Variants in IRS1 observed in about 807,000 individuals in gnomAD.
IRS1 encodes insulin receptor substrate 1.
A neutral mutation model predicts 65.6 loss-of-function variants in IRS1; 34 were observed. The ratio of observed to expected loss-of-function variants is 0.52; its 90% CI spans 0.39 to 0.69. IRS1 has a LOEUF of 0.69. Among genes scored for constraint, IRS1 ranks in the 30% least tolerant of loss-of-function variants. IRS1 has a pLI of 0.00. For synonymous variants in IRS1, 699 were observed against 683.5 expected (o/e 1.02, Z -0.35); for missense variants, 1,641 against 1,720.2 (o/e 0.95, Z 0.81).
chr2:226,792,777 G>A (rs139885030), intron 1 of IRS1, among the ~76,000 whole-genome samples: 87 of 152,174 alleles, frequency 5.7e-4, no homozygotes, highest in African/African-American at 2.0e-3. Context: ...ACACACATTC[G>A]GAGCAGAAGC....
Position 226,797,608 on chromosome 2 carries a change from C to T in IRS1, c.1131G>A (p.Met377Ile). 6.3e-7 allele frequency: 1 copy of T among 1,588,148 alleles called. No homozygotes were observed. The highest frequency in any genetic ancestry group is 8.5e-7 in the Non-Finnish European group (1 of 1,171,152). ...PPLNHSRSIP[M>I]PASRCSPSAT... ...CCGAAGGCGAGCAGCGGGAAGCCGGCATGGGGATGGAGCGGCTGTGGTTGA... is the reference window on the plus strand; with the variant it reads ...CCGAAGGCGAGCAGCGGGAAGCCGGTATGGGGATGGAGCGGCTGTGGTTGA... Residue 377 changes from methionine (M) to isoleucine (I), a missense_variant, in exon 1 of 2, where the codon ATG (methionine) becomes ATA (isoleucine). Around this residue, in one of 3 missense-constraint regions of IRS1, gnomAD observed 1,324 missense variants for 1,361.0 expected, o/e 0.97. Transcript: ENST00000305123. This position sits in a 1 kb window ranked among gnomAD's most constrained non-coding sequence, Gnocchi z 8.1.
At position 226,796,499 on chromosome 2, in the gene IRS1, G is replaced by C. The variant is rs1405437670; in HGVS notation, c.2240C>G (p.Ser747Cys). 13 of 1,613,846 alleles carry C rather than the reference G, an allele frequency of 8.1e-6. No homozygotes were observed. The African/African-American group carries it at 1.7e-4, about 22-fold the overall frequency. The change falls in exon 1 of 2, where the codon TCC becomes TGC. Residue 747 changes from serine to cysteine, a missense_variant. Around this residue, in one of 3 missense-constraint regions of IRS1, gnomAD observed 1,324 missense variants for 1,361.0 expected, o/e 0.97. Coordinates refer to ENST00000305123, the MANE Select transcript of IRS1 (RefSeq NM_005544.3). ...GTCCTCAGGGCCGTAGTAGCAGTCGGAGGGGCTGCTGGTGTTGGAGTCCCC... is the reference window on the plus strand; with the variant it reads ...GTCCTCAGGGCCGTAGTAGCAGTCGCAGGGGCTGCTGGTGTTGGAGTCCCC... ...PVGDSNTSSP[S>C]DCYYGPEDPQ...
intron 1 of IRS1, among the ~76,000 whole-genome samples, chr2:226,783,945 G>A (rs1244022762): frequency 1.3e-5 from 2 of 151,958 alleles, no homozygotes; most frequent in Non-Finnish European, 1.5e-5. Flanking sequence ...CTGGGGACAC[G>A]TGGACCAGTC....
intron 1 of IRS1, among the ~76,000 whole-genome samples, chr2:226,751,409 G>A (rs892606174): frequency 4.7e-5 from 7 of 148,248 alleles, no homozygotes; most frequent in East Asian, 2.0e-4. Flanking sequence ...TCAGCCTCCC[G>A]AGTAGCTGGG....
Position 226,799,535 on chromosome 2 carries a change from G to A in IRS1, c.-797C>T. The A allele has an allele frequency of 9.3e-7, 1 of 1,074,432 alleles. No individual in the cohort carries two copies. Among genetic ancestry groups the A allele is most frequent in the Non-Finnish European group, 1.1e-6 (1 of 872,684 alleles). 66.6% of individuals were successfully genotyped at this position (1,074,432 alleles called of 1,614,324 possible). Reference sequence around the variant, plus strand: ...AGGGACAGACTCATCCCTGCCCCTCGCTCCAGGCGGCTGGGGAGGAGGGGA... The same window carrying A: ...AGGGACAGACTCATCCCTGCCCCTCACTCCAGGCGGCTGGGGAGGAGGGGA... On this transcript the variant is annotated 5_prime_UTR_variant, in exon 1 of 2. Transcript: ENST00000305123. The surrounding 1 kb of genome is among the most constrained non-coding windows in gnomAD (Gnocchi z 6.1).
chr2:226,770,957 TG>T (rs1169608546), intron 1 of IRS1, among the ~76,000 whole-genome samples: 1 of 152,110 alleles, frequency 6.6e-6, no homozygotes, highest in Non-Finnish European at 1.5e-5. Context: ...CACAAGAGTT[TG>T]GGGTAAGCTA....
chr2:226,732,837 C>T lies in IRS1; in HGVS notation c.*3435G>A, dbSNP rs1938256017. On this transcript the variant is annotated 3_prime_UTR_variant, in exon 2 of 2. Coordinates refer to ENST00000305123, the MANE Select transcript of IRS1 (RefSeq NM_005544.3). The stretch of plus-strand genomic sequence containing the variant: ...AGAAGAAATTTCATATTGGCTTCCA[C>T]CCATTCTTCTTCCCATTCCTACCAA... The T allele has an allele frequency of 6.6e-6, 1 of 152,124 alleles. No individual in the cohort carries two copies. The highest frequency in any genetic ancestry group is 2.1e-4 in the South Asian group (1 of 4,830). The allele number at this position is 152,124 out of a possible 1,614,324, so 9.4% of individuals were successfully genotyped here. A position where few individuals can be genotyped will look rare whatever the true frequency, so the allele number is the denominator to read the frequency against.
At chr2:226,759,722 C>T (rs1241128950) in intron 1 of IRS1, among the ~76,000 whole-genome samples, 1 of 152,088 alleles carries the variant, frequency 6.6e-6, no homozygotes, top group East Asian at 1.9e-4. Context: ...TTTGATATAA[C>T]TTAAAACTAC....
intron 1 of IRS1, among the ~76,000 whole-genome samples, chr2:226,745,753 C>A (rs1015842211): frequency 5.3e-5 from 8 of 152,212 alleles, no homozygotes; most frequent in African/African-American, 1.9e-4. Flanking sequence ...GATCCCACAT[C>A]TTTTCCTGAT....
At position 226,797,876 on chromosome 2, in the gene IRS1, T is replaced by A; in HGVS notation, c.863A>T (p.His288Leu). 1 of 1,608,456 alleles carries A rather than the reference T, an allele frequency of 6.2e-7. No homozygotes were observed. The highest frequency in any genetic ancestry group is 1.3e-5 in the African/African-American group (1 of 74,946). ...CTGGCTGGGCGGGGGATTGTTGAGATGGTGCCGGCGCAGGGGGACGCTGAT... is the reference window on the plus strand; with the variant it reads ...CTGGCTGGGCGGGGGATTGTTGAGAAGGTGCCGGCGCAGGGGGACGCTGAT... Reference protein sequence around the residue: ...NPISVPLRRHHLNNPPPSQVG... With the variant: ...NPISVPLRRHLLNNPPPSQVG... The change falls in exon 1 of 2, where the codon CAT becomes CTT. Residue 288 changes from histidine (H) to leucine (L), a missense_variant. This residue lies in a region of IRS1 where 1,324 missense variants were observed against 1,361.0 expected (regional missense o/e 0.97). Transcript: ENST00000305123. The surrounding 1 kb of genome is among the most constrained non-coding windows in gnomAD (Gnocchi z 8.1).
In IRS1 at chr2:226,736,209, T is replaced by A. The variant is rs917936269; in HGVS notation, c.*63A>T. ...GAAATATTTAGAGTCTGGGTACCCA[T>A]GAGTTAGAAGAGGATTTGCTGAGGT... On this transcript the variant is annotated 3_prime_UTR_variant, in exon 2 of 2. Coordinates refer to ENST00000305123, the MANE Select transcript of IRS1 (RefSeq NM_005544.3). The A allele has an allele frequency of 6.6e-6, 1 of 152,362 alleles. No homozygotes were observed. The highest frequency in any genetic ancestry group is 2.1e-4 in the South Asian group (1 of 4,830). The allele number at this position is 152,362 out of a possible 1,614,324, so 9.4% of individuals were successfully genotyped here.
At chr2:226,780,641 A>G (rs765939290) in intron 1 of IRS1, among the ~76,000 whole-genome samples, 6 of 152,176 alleles carry the variant, frequency 3.9e-5, no homozygotes, top group Admixed American at 1.3e-4. Context: ...GTTCCTGTCA[A>G]TCTTCAAAAG....
chr2:226,783,356 G>A (rs376215642), intron 1 of IRS1, among the ~76,000 whole-genome samples: 2 of 152,102 alleles, frequency 1.3e-5, no homozygotes, highest in South Asian at 2.1e-4. Flanking sequence ...CTACATTTAC[G>A]GTAGTGCCCA....
At chr2:226,748,625 C>G (rs537660398) in intron 1 of IRS1, among the ~76,000 whole-genome samples, 2 of 151,820 alleles carry the variant, frequency 1.3e-5, no homozygotes, top group African/African-American at 4.8e-5. Context: ...ATCCACACCT[C>G]GGAAGATAAT....
At position 226,753,407 on chromosome 2, in the gene IRS1, G is replaced by A. The variant is rs563048743; in HGVS notation, c.*22-17157C>T. On this transcript the variant is annotated intron_variant, in intron 1 of 1. Coordinates refer to ENST00000305123, the MANE Select transcript of IRS1 (RefSeq NM_005544.3). Reference sequence around the variant, plus strand: ...CCTGCATTATTACACTTCATTAGCTGAAAGGTAAAATTATGTCTAGGCAGA... The same window carrying A: ...CCTGCATTATTACACTTCATTAGCTAAAAGGTAAAATTATGTCTAGGCAGA... 4.6e-5 allele frequency among the ~76,000 whole-genome samples: 7 copies of A among 152,302 alleles called. No individual in the cohort carries two copies. The East Asian group carries it at 1.2e-3, about 25-fold the overall frequency.
At chr2:226,738,875 G>A (rs1401710719) in intron 1 of IRS1, among the ~76,000 whole-genome samples, 1 of 152,170 alleles carries the variant, frequency 6.6e-6, no homozygotes, top group Non-Finnish European at 1.5e-5. Flanking sequence ...AGAAAGCAAA[G>A]GGCATATGGT....
At chr2:226,791,311 C>G (rs911868446) in intron 1 of IRS1, among the ~76,000 whole-genome samples, 3 of 152,034 alleles carry the variant, frequency 2.0e-5, no homozygotes, top group African/African-American at 7.2e-5. Context: ...CCCTCCTGCT[C>G]GCGGATCTCG....
At chr2:226,742,073 C>T (rs891878365) in intron 1 of IRS1, among the ~76,000 whole-genome samples, 3 of 152,122 alleles carry the variant, frequency 2.0e-5, no homozygotes, top group Admixed American at 6.5e-5. Flanking sequence ...CCTGGTCCAG[C>T]GCTATTAACT....
intron 1 of IRS1, among the ~76,000 whole-genome samples, chr2:226,742,726 A>AAAAAAAAAAAAAAAAAG (rs1431863272): frequency 0.029 from 4,317 of 146,564 alleles, 169 homozygotes; most frequent in East Asian, 0.1. Flanking sequence ...AAAAAAAAAA[A>AAAAAAAAAAAAAAAAAG]AGAAGACCGA....
Sources: gnomAD v4.1 joint callset for allele counts (sites outside exome capture counted in the v4.1 genomes callset) on GRCh38, gnomAD v4.1.1 for gene constraint, gnomAD v4.1.1 regional missense constraint, Gnocchi (gnomAD v3.1) non-coding constraint, MANE v1.5 for transcripts, NCBI Gene and HGNC (gene_info 2026-07-23, HGNC 2026-07-21) for gene names.